Variants in FUCA1 observed in about 807,000 individuals in gnomAD.
The protein encoded by FUCA1 is alpha-L-fucosidase 1.
A neutral mutation model predicts 56.8 loss-of-function variants in FUCA1; 52 were observed. The ratio of observed to expected loss-of-function variants is 0.92; its 90% CI spans 0.73 to 1.15. The LOEUF (loss-of-function observed/expected upper bound fraction) is 1.15. Ranked by LOEUF, FUCA1 falls within the 50% of genes most tolerant of loss-of-function variation. The pLI, the probability that FUCA1 is intolerant of heterozygous loss-of-function variation, is 0.00. For missense variants in FUCA1, 568 were observed against 592.6 expected (o/e 0.96, Z 0.43); for synonymous variants, 230 against 226.6 (o/e 1.02, Z -0.14).
At chr1:23,855,548 C>G (rs1176944625) in intron 4 of FUCA1, among the ~76,000 whole-genome samples, 1 of 152,154 alleles carries the variant, frequency 6.6e-6, no homozygotes, top group African/African-American at 2.4e-5. Flanking sequence ...TTCATCACGG[C>G]AAAAAGAGAT....
At chr1:23,862,604 T>G (rs1639531787) in intron 3 of FUCA1, among the ~76,000 whole-genome samples, 1 of 152,050 alleles carries the variant, frequency 6.6e-6, no homozygotes. Context: ...TAGTGACAAA[T>G]CCCTAAGTGA....
At position 23,866,925 on chromosome 1, in the gene FUCA1, A is replaced by G. The variant is rs573648784; in HGVS notation, c.389+973T>C. ...CTGCTTAATCAAGTCTTATACTCCC[A>G]TACATTTAATGGCAAACACTAAATG... On this transcript the variant is annotated intron_variant, in intron 1 of 7. Coordinates refer to ENST00000374479, the MANE Select transcript of FUCA1 (RefSeq NM_000147.5). Among the ~76,000 whole-genome samples, 123 of 152,336 alleles carry G rather than the reference A, an allele frequency of 8.1e-4. 1 individual carries two copies. Among genetic ancestry groups the G allele is most frequent in the African/African-American group, 2.2e-3 (92 of 41,576 alleles).
chr1:23,861,305 GGAGC>G (rs1639507531), intron 3 of FUCA1, among the ~76,000 whole-genome samples: 1 of 134,476 alleles, frequency 7.4e-6, no homozygotes, highest in Non-Finnish European at 1.6e-5. Flanking sequence ...CCTGGGCGAC[GGAGC>G]GAGACTCCGT....
rs560947454 is a variant in FUCA1, at chr1:23,848,792, A to G, written c.1017T>C (p.Ile339=). Residue 339 remains isoleucine (I), a synonymous_variant, in exon 6 of 8, where the codon ATT becomes ATC. Transcript: ENST00000374479. ...VSLGGNYLLN[I]GPTKDGLIVP... The stretch of plus-strand genomic sequence containing the variant: ...CAATCAGTCCATCTTTAGTTGGTCC[A>G]ATGTTCAGAAGATAGTTGCCTCCCA... The G allele has an allele frequency of 5.4e-5, 87 of 1,614,176 alleles. 1 individual carries two copies. The South Asian group carries it at 9.6e-4, about 18-fold the overall frequency.
At chr1:23,851,119 C>T (rs1402004959) in intron 5 of FUCA1, among the ~76,000 whole-genome samples, 1 of 151,976 alleles carries the variant, frequency 6.6e-6, no homozygotes, top group East Asian at 1.9e-4. Context: ...TAAACATTAA[C>T]CCATATTAAA....
intron 2 of FUCA1, among the ~76,000 whole-genome samples, chr1:23,863,777 A>G (rs1015284907): frequency 6.6e-6 from 1 of 152,166 alleles, no homozygotes; most frequent in African/African-American, 2.4e-5. Context: ...GCTTGAGCCC[A>G]GGAGGTAGAG....
chr1:23,856,369 A>G (rs1016831243), intron 4 of FUCA1, among the ~76,000 whole-genome samples: 1 of 152,120 alleles, frequency 6.6e-6, no homozygotes, highest in Non-Finnish European at 1.5e-5. Context: ...ATCCCACAGA[A>G]GCTAATGCAG....
chr1:23,854,292 T>C (rs1639343492), intron 5 of FUCA1, 68 bp downstream of exon 5: 4 of 1,291,870 alleles, frequency 3.1e-6, no homozygotes, highest in East Asian at 4.6e-5. Context: ...TTGAACATTA[T>C]ATAAAATAAA....
chr1:23,859,062 A>G (rs995098285), intron 4 of FUCA1, among the ~76,000 whole-genome samples: 1 of 152,042 alleles, frequency 6.6e-6, no homozygotes, highest in African/African-American at 2.4e-5. Flanking sequence ...GATTACAGGC[A>G]TGAGCTGCTA....
At chr1:23,857,165 A>G (rs1159030771) in intron 4 of FUCA1, among the ~76,000 whole-genome samples, 1 of 152,036 alleles carries the variant, frequency 6.6e-6, no homozygotes, top group Non-Finnish European at 1.5e-5. Context: ...CTGTAACCTC[A>G]CGTAGCAAGC....
At chr1:23,850,271 G>A (rs1447048975) in intron 5 of FUCA1, among the ~76,000 whole-genome samples, 6 of 145,590 alleles carry the variant, frequency 4.1e-5, no homozygotes, top group African/African-American at 1.0e-4. Context: ...AGCTGAGATC[G>A]TGCCATTGCA....
At chr1:23,858,137 T>C (rs1194996199) in intron 4 of FUCA1, among the ~76,000 whole-genome samples, 1 of 152,018 alleles carries the variant, frequency 6.6e-6, no homozygotes, top group Non-Finnish European at 1.5e-5. Flanking sequence ...CGATCTCGGC[T>C]CACTGAAAGC....
chr1:23,868,103 T>C lies in FUCA1; in HGVS notation c.184A>G (p.Ile62Val). The change falls in exon 1 of 8, where the codon ATC becomes GTC. Residue 62 changes from isoleucine to valine, a missense_variant. By Grantham distance (29) the Ile-to-Val change is conservative. Coordinates refer to ENST00000374479, the MANE Select transcript of FUCA1 (RefSeq NM_000147.5). ...GGCACCGAGAACACGCCCCAGTGGA[T>C]GAACACCCCGAACTTGGCTTCGTCG... Reference protein sequence around the residue: ...WFDEAKFGVFIHWGVFSVPAW... With the variant: ...WFDEAKFGVFVHWGVFSVPAW... The C allele has an allele frequency of 6.2e-7, 1 of 1,611,524 alleles. No homozygotes were observed. Among genetic ancestry groups the C allele is most frequent in the Non-Finnish European group, 8.5e-7 (1 of 1,179,532 alleles).
chr1:23,849,327 C>T (rs528422586), intron 5 of FUCA1, among the ~76,000 whole-genome samples: 2 of 152,124 alleles, frequency 1.3e-5, no homozygotes, highest in South Asian at 4.2e-4. Context: ...ACTATAAAAG[C>T]AGGTTAGGCT....
intron 4 of FUCA1, among the ~76,000 whole-genome samples, chr1:23,855,166 A>T (rs1639366874): frequency 6.6e-6 from 1 of 152,256 alleles, no homozygotes; most frequent in Admixed American, 6.5e-5. Flanking sequence ...GAAGAATGAT[A>T]AATCATACAT....
At chr1:23,864,988 T>A (rs1285023289) in intron 2 of FUCA1, among the ~76,000 whole-genome samples, 1 of 152,100 alleles carries the variant, frequency 6.6e-6, no homozygotes, top group African/African-American at 2.4e-5. Flanking sequence ...CAAGTGTGAG[T>A]CAACGCACCC....
At position 23,863,307 on chromosome 1, in the gene FUCA1, G is replaced by A. The variant is rs189533100; in HGVS notation, c.525-36C>T. 8.1e-6 allele frequency: 13 copies of A among 1,601,964 alleles called. No homozygotes were observed. In the African/African-American group the frequency reaches 1.5e-4, roughly 18 times the overall value. The stretch of plus-strand genomic sequence containing the variant: ...AAAACAGAACAGCAACTGTCATTAA[G>A]CATAGAACAAATAATTTATTTTAAG... On this transcript the variant is annotated intron_variant, in intron 2 of 7. Transcript: ENST00000374479.
intron 3 of FUCA1, among the ~76,000 whole-genome samples, chr1:23,862,433 C>G (rs1463853413): frequency 1.3e-5 from 2 of 152,206 alleles, no homozygotes; most frequent in Admixed American, 6.5e-5. Context: ...TCCCAAAATG[C>G]TGGGATTACA....
chr1:23,867,774 C>A lies in FUCA1; in HGVS notation c.389+124G>T. 5 of 1,428,224 alleles carry A rather than the reference C, an allele frequency of 3.5e-6. No homozygotes were observed. Among genetic ancestry groups the A allele is most frequent in the Non-Finnish European group, 4.5e-6 (5 of 1,100,510 alleles). The allele number at this position is 1,428,224 out of a possible 1,614,324, so 88.5% of individuals were successfully genotyped here. A position where few individuals can be genotyped will look rare whatever the true frequency, so the allele number is the denominator to read the frequency against. On this transcript the variant is annotated intron_variant, in intron 1 of 7. Transcript: ENST00000374479. This position sits in a 1 kb window ranked among gnomAD's most constrained non-coding sequence, Gnocchi z 4.9. ...GGCTCACTCCTGTGGCCGCAGGAGG[C>A]CACACGCGGGCCCCGGGGTCATGGG... is the stretch of plus-strand genomic sequence containing the variant.
Sources: allele counts gnomAD v4.1 joint callset (sites outside exome capture counted in the v4.1 genomes callset), GRCh38; gene constraint gnomAD v4.1.1; non-coding constraint Gnocchi (gnomAD v3.1); transcripts MANE v1.5; gene names NCBI Gene and HGNC (gene_info 2026-07-23, HGNC 2026-07-21).